ROBO2: variants seen among roughly 807,000 people sequenced by gnomAD.
ROBO2 encodes the protein roundabout guidance receptor 2, also known as roundabout homolog 2.
A neutral mutation model predicts 160.8 loss-of-function variants in ROBO2; 53 were observed. The ratio of observed to expected loss-of-function variants is 0.33; its 90% CI spans 0.26 to 0.41. The LOEUF (loss-of-function observed/expected upper bound fraction) is 0.41, where lower values mean the gene tolerates loss of function less well. Ranked by LOEUF, ROBO2 falls within the 10% of genes least tolerant of loss-of-function variation. The pLI, the probability that ROBO2 is intolerant of heterozygous loss-of-function variation, is 1.00. For synonymous variants in ROBO2, 664 were observed against 611.7 expected, an observed-to-expected ratio of 1.09 and a Z score of -1.26; for missense variants, 1,577 against 1,722.4, an observed-to-expected ratio of 0.92 and a Z score of 1.49.
intron 2 of ROBO2, among the ~76,000 whole-genome samples, chr3:76,392,530 T>C (rs1453049908): frequency 1.3e-5 from 2 of 152,214 alleles, no homozygotes; most frequent in Non-Finnish European, 2.9e-5. Flanking sequence ...ACTGAGTAGC[T>C]ATTTGACTGA....
intron 5 of ROBO2, among the ~76,000 whole-genome samples, chr3:77,513,865 G>A (rs973122305): frequency 6.6e-6 from 1 of 151,674 alleles, no homozygotes; most frequent in African/African-American, 2.4e-5. Context: ...TTTCAGCAGT[G>A]TTTCATATCA....
intron 13 of ROBO2, among the ~76,000 whole-genome samples, chr3:77,571,212 A>G (rs1485671830): frequency 2.6e-5 from 4 of 152,030 alleles, no homozygotes; most frequent in Non-Finnish European, 5.9e-5. Flanking sequence ...TCAGACCCTT[A>G]GCAGCTAAAC....
chr3:76,602,102 A>G (rs1406028744), intron 2 of ROBO2, among the ~76,000 whole-genome samples: 1 of 152,150 alleles, frequency 6.6e-6, no homozygotes, highest in Admixed American at 6.5e-5. Flanking sequence ...CCTCATCTCC[A>G]TCTGAGACTA....
At chr3:77,455,152 A>G (rs1207129812) in intron 2 of ROBO2, among the ~76,000 whole-genome samples, 1 of 152,236 alleles carries the variant, frequency 6.6e-6, no homozygotes, top group East Asian at 1.9e-4. Context: ...TGGCTTTACA[A>G]TAAATAGAAT....
intron 2 of ROBO2, among the ~76,000 whole-genome samples, chr3:75,937,841 TTATATATATATATATA>T (rs1158457510): frequency 6.5e-4 from 69 of 105,510 alleles, no homozygotes; most frequent in African/African-American, 2.7e-3. Flanking sequence ...GGAATTGATT[TTATATATATATATATA>T]TATATATATA....
chr3:76,456,258 A>T (rs2109335223), intron 2 of ROBO2, among the ~76,000 whole-genome samples: 1 of 152,322 alleles, frequency 6.6e-6, no homozygotes, highest in African/African-American at 2.4e-5. Flanking sequence ...CCATTAAACC[A>T]GGAGGAGTTA....
rs149791372 is a variant in ROBO2, at chr3:76,243,147, C to G, written c.109+305545C>G. On this transcript the variant is annotated intron_variant, in intron 2 of 26. Transcript: ENST00000487694. ...AGTCGCTTGATTAACCTTTTTCTCT[C>G]GGACTTCGGATGCCAGGTTGCAAAG... 4.6e-4 allele frequency among the ~76,000 whole-genome samples: 70 copies of G among 152,244 alleles called. No individual in the cohort carries two copies. The Middle Eastern group carries it at 0.02, about 44-fold the overall frequency.
chr3:76,063,163 A>G (rs2068122938), intron 2 of ROBO2, among the ~76,000 whole-genome samples: 1 of 152,140 alleles, frequency 6.6e-6, no homozygotes. Flanking sequence ...TAAAGAGGGA[A>G]TGAGTCACCG....
intron 2 of ROBO2, among the ~76,000 whole-genome samples, chr3:76,447,814 T>G (rs147246321): frequency 0.018 from 2,731 of 147,760 alleles, 90 homozygotes; most frequent in African/African-American, 0.065. Flanking sequence ...GCACTGCATT[T>G]TCTCACTCAT....
At chr3:76,640,539 T>TA (rs71104609) in intron 2 of ROBO2, among the ~76,000 whole-genome samples, 1 of 144,524 alleles carries the variant, frequency 6.9e-6, no homozygotes, top group Non-Finnish European at 1.5e-5. Context: ...GTCTCAAAAA[T>TA]AATAAATAAA....
rs148381182 is a variant in ROBO2, at chr3:76,897,151, A to C, written c.110-200863A>C. On this transcript the variant is annotated intron_variant, in intron 2 of 26. Coordinates refer to the ROBO2 transcript ENST00000487694. The stretch of plus-strand genomic sequence containing the variant: ...CCTAAAACTACGTTAAGCAGTTTTC[A>C]TTTTCACTTCACATTTATGATGGAT... 2.0e-5 allele frequency among the ~76,000 whole-genome samples: 3 copies of C among 152,278 alleles called. No homozygotes were observed. The East Asian group carries it at 5.8e-4, about 29-fold the overall frequency.
At chr3:76,017,126 C>A (rs1168043981) in intron 2 of ROBO2, among the ~76,000 whole-genome samples, 1 of 152,314 alleles carries the variant, frequency 6.6e-6, no homozygotes, top group South Asian at 2.1e-4. Context: ...TCCTAGCCAA[C>A]TACAACAATT....
intron 2 of ROBO2, among the ~76,000 whole-genome samples, chr3:76,541,773 C>T (rs766465557): frequency 7.2e-5 from 11 of 152,138 alleles, no homozygotes; most frequent in Non-Finnish European, 1.5e-4. Context: ...CTCTTTTTTA[C>T]GTGACCTAGG....
At chr3:77,243,013 G>A (rs958928685) in intron 2 of ROBO2, among the ~76,000 whole-genome samples, 7 of 151,414 alleles carry the variant, frequency 4.6e-5, no homozygotes, top group African/African-American at 7.3e-5. Context: ...CTATGAGAGA[G>A]AGAGAGAAAA....
chr3:76,272,411 T>A (rs985454263), intron 2 of ROBO2, among the ~76,000 whole-genome samples: 3 of 151,982 alleles, frequency 2.0e-5, no homozygotes, highest in African/African-American at 7.2e-5. Flanking sequence ...ATGCCTGTAA[T>A]TCCAGCACTT....
chr3:76,024,926 T>C (rs1225936963), intron 2 of ROBO2, among the ~76,000 whole-genome samples: 1 of 150,090 alleles, frequency 6.7e-6, no homozygotes, highest in Non-Finnish European at 1.5e-5. Context: ...TATATGTATG[T>C]GTGTGTGTGC....
intron 2 of ROBO2, among the ~76,000 whole-genome samples, chr3:76,263,186 C>T (rs547323749): frequency 2.6e-5 from 4 of 152,208 alleles, no homozygotes; most frequent in Middle Eastern, 3.4e-3. Flanking sequence ...ATAAATTTCA[C>T]ACAGTTGCAA....
chr3:76,031,119 C>T (rs1292298067), intron 2 of ROBO2, among the ~76,000 whole-genome samples: 1 of 152,124 alleles, frequency 6.6e-6, no homozygotes, highest in Non-Finnish European at 1.5e-5. Context: ...ATTTTATTCT[C>T]TTCATAGCAG....
intron 2 of ROBO2, among the ~76,000 whole-genome samples, chr3:76,140,851 T>TCA (rs2071605519): frequency 6.6e-6 from 1 of 150,642 alleles, no homozygotes; most frequent in Non-Finnish European, 1.5e-5. Context: ...TATTATAATT[T>TCA]CACATCCATA....
Sources: allele counts gnomAD v4.1 joint callset (sites outside exome capture counted in the v4.1 genomes callset), GRCh38; gene constraint gnomAD v4.1.1; transcripts MANE v1.5; gene names NCBI Gene and HGNC (gene_info 2026-07-23, HGNC 2026-07-21).